RELN: variants seen among roughly 807,000 people sequenced by gnomAD.
RELN encodes the protein reelin.
A neutral mutation model predicts 427.6 loss-of-function variants in RELN; 108 were observed. The ratio of observed to expected loss-of-function variants is 0.25; its 90% CI spans 0.22 to 0.30. The LOEUF (loss-of-function observed/expected upper bound fraction) is 0.30. Ranked by LOEUF, RELN falls within the 10% of genes least tolerant of loss-of-function variation. The pLI, the probability that RELN is intolerant of heterozygous loss-of-function variation, is 1.00. For synonymous variants in RELN, 1,524 were observed against 1,513.4 expected (o/e 1.01, Z -0.16); for missense variants, 3,715 against 4,302.8 (o/e 0.86, Z 3.82).
At chr7:103,674,981 C>T (rs1162322185) in intron 11 of RELN, among the ~76,000 whole-genome samples, 1 of 152,148 alleles carries the variant, frequency 6.6e-6, no homozygotes, top group Non-Finnish European at 1.5e-5. Context: ...TAGCACAAGA[C>T]AGAGATGCCC....
Position 103,702,860 on chromosome 7 carries a change from C to T in RELN, c.806-1854G>A, listed in dbSNP as rs974742486. Among the ~76,000 whole-genome samples the T allele has an allele frequency of 7.9e-5, 12 of 152,290 alleles. No homozygotes were observed. In the East Asian group the frequency reaches 1.9e-3, roughly 24 times the overall value. ...TGCCAGTGCTCTTTCTGCAAGTCAA[C>T]GGAATCATGTTACCTCTGTGCTTAT... On this transcript the variant is annotated intron_variant, in intron 8 of 64. Coordinates refer to ENST00000428762, the MANE Select transcript of RELN (RefSeq NM_005045.4).
chr7:103,576,379 A>T (rs1183450301), intron 28 of RELN, among the ~76,000 whole-genome samples: 1 of 152,088 alleles, frequency 6.6e-6, no homozygotes, highest in Non-Finnish European at 1.5e-5. Flanking sequence ...GCTTTATGTG[A>T]TCTGCCCGCC....
At chr7:103,955,729 C>G (rs4727580) in intron 1 of RELN, among the ~76,000 whole-genome samples, 1 of 151,966 alleles carries the variant, frequency 6.6e-6, no homozygotes, top group Non-Finnish European at 1.5e-5. Context: ...TTTCTCTCCA[C>G]GAACCCAGAC....
intron 26 of RELN, among the ~76,000 whole-genome samples, 198 bp from the exon 27 acceptor site, chr7:103,594,080 T>G (rs1831482885): frequency 6.6e-6 from 1 of 152,218 alleles, no homozygotes; most frequent in Non-Finnish European, 1.5e-5. Flanking sequence ...CCACTGTGTA[T>G]CTAATCATTT....
intron 28 of RELN, among the ~76,000 whole-genome samples, chr7:103,576,927 C>T (rs1831016719): frequency 6.6e-6 from 1 of 152,070 alleles, no homozygotes; most frequent in Non-Finnish European, 1.5e-5. Context: ...CTTTTCTTTT[C>T]CAACATATGG....
chr7:103,528,985 A>T (rs2097358880), intron 46 of RELN, among the ~76,000 whole-genome samples: 1 of 151,960 alleles, frequency 6.6e-6, no homozygotes, highest in Non-Finnish European at 1.5e-5. Flanking sequence ...AAAATACAAA[A>T]ATTAGCTGGG....
chr7:103,530,262 G>A (rs1277523210), intron 46 of RELN, among the ~76,000 whole-genome samples: 2 of 152,108 alleles, frequency 1.3e-5, no homozygotes, highest in African/African-American at 2.4e-5. Context: ...CTTGCTCCCC[G>A]CATCTTCTCA....
intron 36 of RELN, among the ~76,000 whole-genome samples, chr7:103,560,575 A>T (rs1189705304): frequency 6.6e-6 from 1 of 152,216 alleles, no homozygotes; most frequent in Admixed American, 6.5e-5. Flanking sequence ...CAACTGGTTC[A>T]AATGGGTCAG....
In RELN at chr7:103,542,806, C is replaced by T; in HGVS notation, c.6596G>A (p.Ser2199Asn). The change falls in exon 43 of 65, where the codon AGT becomes AAT. Residue 2199 changes from serine (S) to asparagine (N), a missense_variant. Ser to Asn is a conservative substitution (Grantham distance 46, BLOSUM62 1). Around this residue, in one of 4 missense-constraint regions of RELN, gnomAD observed 1,310 missense variants for 1,643.0 expected, o/e 0.80. Coordinates refer to ENST00000428762, the MANE Select transcript of RELN (RefSeq NM_005045.4). Reference protein sequence around the residue: ...KPSRKCGILSSGNNLFFNEDG... With the variant: ...KPSRKCGILSNGNNLFFNEDG... The stretch of plus-strand genomic sequence containing the variant: ...TTCATTGAAAAAGAGGTTGTTTCCA[C>T]TAGAAAGGATTCCACACTTTCGAGA... 1 of 1,614,042 alleles carries T rather than the reference C, an allele frequency of 6.2e-7. No homozygotes were observed. The highest frequency in any genetic ancestry group is 8.5e-7 in the Non-Finnish European group (1 of 1,179,986).
At chr7:103,768,782 C>G (rs1791491005) in intron 4 of RELN, among the ~76,000 whole-genome samples, 1 of 152,108 alleles carries the variant, frequency 6.6e-6, no homozygotes, top group Non-Finnish European at 1.5e-5. Flanking sequence ...TTAAGGGAGT[C>G]AGGCAAGTCA....
chr7:103,483,189 T>C (rs1828302429), intron 62 of RELN, among the ~76,000 whole-genome samples: 1 of 152,240 alleles, frequency 6.6e-6, no homozygotes, highest in Non-Finnish European at 1.5e-5. Flanking sequence ...CTCTTCCTCC[T>C]TTCCCTTGTT....
intron 11 of RELN, among the ~76,000 whole-genome samples, chr7:103,665,920 T>C (rs1833255528): frequency 6.6e-6 from 1 of 152,106 alleles, no homozygotes; most frequent in Non-Finnish European, 1.5e-5. Flanking sequence ...TATTGCATTA[T>C]GTGTTTTTTT....
intron 56 of RELN, 82 bp from the exon 57 acceptor site, chr7:103,495,980 A>G: frequency 7.0e-7 from 1 of 1,418,902 alleles, no homozygotes; most frequent in Non-Finnish European, 9.9e-7. Flanking sequence ...ATTCTCTTGA[A>G]CTGACCGATT....
intron 46 of RELN, 87 bp downstream of exon 46, chr7:103,535,229 T>C: frequency 7.9e-7 from 1 of 1,265,190 alleles, no homozygotes; most frequent in African/African-American, 1.5e-5. Context: ...CCCTCACATA[T>C]CTCATTAAAC....
At chr7:103,933,332 A>G (rs908349541) in intron 1 of RELN, among the ~76,000 whole-genome samples, 1 of 152,104 alleles carries the variant, frequency 6.6e-6, no homozygotes, top group African/African-American at 2.4e-5. Flanking sequence ...AATTCCTGAA[A>G]ATTCAACCAA....
chr7:103,677,925 G>C (rs113445864), intron 11 of RELN, among the ~76,000 whole-genome samples: 4 of 152,066 alleles, frequency 2.6e-5, no homozygotes, highest in African/African-American at 9.6e-5. Context: ...TGTGTTCTGG[G>C]CTATTGTCTA....
intron 39 of RELN, 21 bp from the exon 40 acceptor site, chr7:103,553,584 C>A (rs1317321022): frequency 6.2e-7 from 1 of 1,613,366 alleles, no homozygotes; most frequent in Non-Finnish European, 8.5e-7. Context: ...GGAAAACAAC[C>A]AGGAATCCAT....
chr7:103,975,245 A>G (rs917168156), intron 1 of RELN, among the ~76,000 whole-genome samples: 6 of 152,208 alleles, frequency 3.9e-5, no homozygotes, highest in African/African-American at 1.2e-4. Context: ...CATATTAGAC[A>G]GGGATCCCAA....
intron 1 of RELN, among the ~76,000 whole-genome samples, chr7:103,969,375 C>A (rs1796717822): frequency 6.6e-6 from 1 of 152,128 alleles, no homozygotes; most frequent in African/African-American, 2.4e-5. Flanking sequence ...GAAAATCAAC[C>A]CCAATCATTG....
Sources: gnomAD v4.1 joint callset for allele counts (sites outside exome capture counted in the v4.1 genomes callset) on GRCh38, gnomAD v4.1.1 for gene constraint, gnomAD v4.1.1 regional missense constraint, MANE v1.5 for transcripts, NCBI Gene and HGNC (gene_info 2026-07-23, HGNC 2026-07-21) for gene names.